KCNQ4: variants seen among roughly 807,000 people sequenced by gnomAD.
The protein encoded by KCNQ4 is potassium voltage-gated channel subfamily KQT member 4.
KCNQ4 carries 31 observed loss-of-function variants against 72.6 expected under a neutral mutation model. The ratio of observed to expected loss-of-function variants is 0.43; its 90% confidence interval spans 0.32 to 0.58. The LOEUF (loss-of-function observed/expected upper bound fraction) is 0.58. Ranked by LOEUF, KCNQ4 falls within the 20% of genes least tolerant of loss-of-function variation. The pLI, the probability that KCNQ4 is intolerant of heterozygous loss-of-function variation, is 0.08. For missense variants in KCNQ4, 869 were observed against 962.6 expected (o/e 0.90, Z 1.29); for synonymous variants, 405 against 403.7 (o/e 1.00, Z -0.04).
At chr1:40,819,604 C>A in intron 5 of KCNQ4, 132 bp downstream of exon 5, 2 of 1,234,266 alleles carry the variant, frequency 1.6e-6, no homozygotes, top group Non-Finnish European at 2.3e-6. Context: ...GAGCTGGGAC[C>A]CCCCTGAGAC....
intron 1 of KCNQ4, among the ~76,000 whole-genome samples, chr1:40,804,412 T>C (rs1181705000): frequency 2.0e-5 from 3 of 152,196 alleles, no homozygotes; most frequent in Admixed American, 2.0e-4. Context: ...TCTCTGGGAC[T>C]CAGTTTCCCC....
intron 12 of KCNQ4, among the ~76,000 whole-genome samples, chr1:40,836,584 T>G (rs1403021740): frequency 3.3e-5 from 5 of 151,676 alleles, no homozygotes; most frequent in Non-Finnish European, 7.4e-5. Context: ...AGAATAGAGG[T>G]CCCAAGAGTG....
intron 9 of KCNQ4, among the ~76,000 whole-genome samples, chr1:40,829,617 G>A (rs1322446215): frequency 2.6e-5 from 4 of 151,968 alleles, no homozygotes; most frequent in African/African-American, 4.8e-5. Context: ...ACCCAATACC[G>A]AAACCAGAAT....
intron 1 of KCNQ4, among the ~76,000 whole-genome samples, chr1:40,807,623 T>C (rs1175979292): frequency 2.0e-5 from 3 of 152,148 alleles, no homozygotes; most frequent in East Asian, 3.9e-4. Flanking sequence ...TCTAGAAGAG[T>C]CTGGGGGCCT....
At position 40,784,522 on chromosome 1, in the gene KCNQ4, A is replaced by G. The variant is rs1297784066; in HGVS notation, c.314+115A>G. ...CCCCCCTGCCTCAGGGCCGACCCTC[A>G]TCTCTCTCCCCCCAGGCCTAAGCCC... On this transcript the variant is annotated intron_variant, in intron 1 of 13. Coordinates refer to ENST00000347132, the MANE Select transcript of KCNQ4 (RefSeq NM_004700.4). This position sits in a 1 kb window ranked among gnomAD's most constrained non-coding sequence, Gnocchi z 4.1. The G allele has an allele frequency of 2.1e-6, 2 of 970,164 alleles. No homozygotes were observed. Among genetic ancestry groups the G allele is most frequent in the Admixed American group, 1.9e-5 (1 of 52,962 alleles). The allele number at this position is 970,164 out of a possible 1,614,324, so 60.1% of individuals were successfully genotyped here. A position where few individuals can be genotyped will look rare whatever the true frequency, so the allele number is the denominator to read the frequency against.
At chr1:40,832,874 G>GT (rs1553168428) in intron 10 of KCNQ4, 140 bp from the exon 11 acceptor site, 54 of 682,588 alleles carry the variant, frequency 7.9e-5, no homozygotes, top group African/African-American at 1.6e-4. Context: ...AGACACAGGA[G>GT]CCCCAAGAAG....
intron 9 of KCNQ4, among the ~76,000 whole-genome samples, chr1:40,830,195 TTAGG>T (rs937177018): frequency 2.0e-5 from 3 of 152,168 alleles, no homozygotes; most frequent in East Asian, 1.9e-4. Context: ...TGGGCTGAAC[TTAGG>T]TAGGAGAGAC....
chr1:40,809,757 A>G (rs888345269), intron 1 of KCNQ4, among the ~76,000 whole-genome samples: 10 of 152,102 alleles, frequency 6.6e-5, no homozygotes, highest in African/African-American at 1.7e-4. Flanking sequence ...GGACTGTGTC[A>G]TTTCCTCTCT....
chr1:40,829,573 C>T (rs527657813), intron 9 of KCNQ4, among the ~76,000 whole-genome samples: 1 of 152,262 alleles, frequency 6.6e-6, no homozygotes, highest in East Asian at 1.9e-4. Context: ...CTCCCCTCCA[C>T]CCCATGCCCT....
intron 13 of KCNQ4, among the ~76,000 whole-genome samples, chr1:40,838,092 A>G (rs1200777240): frequency 6.6e-6 from 1 of 150,830 alleles, no homozygotes; most frequent in African/African-American, 2.5e-5. Flanking sequence ...CTCGCGGACT[A>G]TCCCCATCGG....
chr1:40,828,676 G>C (rs1452192346), intron 9 of KCNQ4, among the ~76,000 whole-genome samples: 1 of 152,218 alleles, frequency 6.6e-6, no homozygotes, highest in African/African-American at 2.4e-5. Flanking sequence ...TGAGAGAACT[G>C]AAAGAACTAA....
At chr1:40,829,877 C>G (rs1414526395) in intron 9 of KCNQ4, among the ~76,000 whole-genome samples, 1 of 152,176 alleles carries the variant, frequency 6.6e-6, no homozygotes, top group African/African-American at 2.4e-5. Flanking sequence ...TGCATAGGTC[C>G]TACCCCAACA....
At chr1:40,786,049 A>G (rs980098242) in intron 1 of KCNQ4, among the ~76,000 whole-genome samples, 1 of 152,128 alleles carries the variant, frequency 6.6e-6, no homozygotes, top group Non-Finnish European at 1.5e-5. Context: ...ATTTGTGGCT[A>G]TAAAGAGGCC....
chr1:40,784,228 C>T lies in KCNQ4; in HGVS notation c.135C>T (p.Leu45=), dbSNP rs1570792987. 2 of 1,213,888 alleles carry T rather than the reference C, an allele frequency of 1.6e-6. No homozygotes were observed. Among genetic ancestry groups the T allele is most frequent in the Non-Finnish European group, 2.0e-6 (2 of 980,098 alleles). The allele number at this position is 1,213,888 out of a possible 1,614,324, so 75.2% of individuals were successfully genotyped here. Residue 45 remains leucine, a synonymous_variant, in exon 1 of 14, where the codon CTC becomes CTT. Coordinates refer to ENST00000347132, the MANE Select transcript of KCNQ4 (RefSeq NM_004700.4). The surrounding 1 kb of genome is among the most constrained non-coding windows in gnomAD (Gnocchi z 4.1). ...GCGGGGGCGGCTCCCCGCGCCGCCT[C>T]GGCCTCCTGGGCAGCCCCCTGCCGC... ...EAGGGGSPRR[L]GLLGSPLPPG...
chr1:40,797,183 G>A (rs1158737981), intron 1 of KCNQ4, among the ~76,000 whole-genome samples: 1 of 152,222 alleles, frequency 6.6e-6, no homozygotes, highest in East Asian at 1.9e-4. Flanking sequence ...AGGGTGATAA[G>A]TGCCACTGTC....
At position 40,837,725 on chromosome 1, in the gene KCNQ4, G is replaced by A; in HGVS notation, c.1806G>A (p.Lys602=). 1 of 1,613,268 alleles carries A rather than the reference G, an allele frequency of 6.2e-7. No homozygotes were observed. The highest frequency in any genetic ancestry group is 8.5e-7 in the Non-Finnish European group (1 of 1,179,736). Residue 602 remains lysine (K), a synonymous_variant, in exon 13 of 14, where the codon AAG becomes AAA. Transcript: ENST00000347132. The part of the protein sequence containing the change: ...GDRKAREKGD[K]GPSDAEVVDE... Reference sequence around the variant, plus strand: ...GGAAGGCCCGGGAGAAGGGCGACAAGGGGCCCTCCGACGCGGAGGTGGTGG... The same window carrying A: ...GGAAGGCCCGGGAGAAGGGCGACAAAGGGCCCTCCGACGCGGAGGTGGTGG...
intron 1 of KCNQ4, among the ~76,000 whole-genome samples, chr1:40,802,843 A>G (rs902121957): frequency 2.0e-5 from 3 of 152,212 alleles, no homozygotes; most frequent in Admixed American, 2.0e-4. Flanking sequence ...CATTGGTCCC[A>G]TTAGAAAGAC....
rs947289235 is a variant in KCNQ4, at chr1:40,788,213, C to T, written c.314+3806C>T. Among the ~76,000 whole-genome samples, 1 of 152,186 alleles carries T rather than the reference C, an allele frequency of 6.6e-6. No homozygotes were observed. The highest frequency in any genetic ancestry group is 2.4e-5 in the African/African-American group (1 of 41,442). On this transcript the variant is annotated intron_variant, in intron 1 of 13. Transcript: ENST00000347132. This position sits in a 1 kb window ranked among gnomAD's most constrained non-coding sequence, Gnocchi z 4.5. ...GGCATCCCCGCTAGGTCAGTCGGTC[C>T]TCACATTTTGACAGCCCCATTTTAC...
chr1:40,806,910 A>T (rs546431642), intron 1 of KCNQ4, among the ~76,000 whole-genome samples: 13 of 152,270 alleles, frequency 8.5e-5, no homozygotes, highest in African/African-American at 3.1e-4. Flanking sequence ...GTCAGTCTCC[A>T]GCTCTCCATG....
Sources: gnomAD v4.1 joint callset for allele counts (sites outside exome capture counted in the v4.1 genomes callset) on GRCh38, gnomAD v4.1.1 for gene constraint, Gnocchi (gnomAD v3.1) non-coding constraint, MANE v1.5 for transcripts, NCBI Gene and HGNC (gene_info 2026-07-23, HGNC 2026-07-21) for gene names.